The following NELL2 variants were observed in gnomAD, a reference collection of about 807,000 sequenced individuals.
NELL2 encodes the protein neural EGFL like 2.
Under a neutral mutation model 109.6 loss-of-function variants are expected in NELL2, and 41 were observed. The observed-to-expected ratio is 0.37, with a 90% confidence interval of 0.29 to 0.49. The LOEUF (loss-of-function observed/expected upper bound fraction) is 0.49, where lower values mean the gene tolerates loss of function less well. Ranked by LOEUF, NELL2 falls within the 20% of genes least tolerant of loss-of-function variation. The pLI, the probability that NELL2 is intolerant of heterozygous loss-of-function variation, is 0.98. For missense variants in NELL2, 900 were observed against 1,008.3 expected (o/e 0.89, Z 1.45); for synonymous variants, 355 against 344.7 (o/e 1.03, Z -0.33).
At chr12:44,755,532 G>C (rs1384139799) in intron 9 of NELL2, among the ~76,000 whole-genome samples, 1 of 151,318 alleles carries the variant, frequency 6.6e-6, no homozygotes. Context: ...TTTACTCCTT[G>C]GCTCTCCCCT....
chr12:44,876,725 T>C, upstream of NELL2: 2 of 1,543,882 alleles, frequency 1.3e-6, no homozygotes, highest in South Asian at 2.4e-5. Flanking sequence ...GGGAAGCCCA[T>C]GTGCACTCGT....
At chr12:44,901,385 C>T (rs1367867990) in intron 1 of NELL2, among the ~76,000 whole-genome samples, 1 of 152,050 alleles carries the variant, frequency 6.6e-6, no homozygotes, top group East Asian at 1.9e-4. Flanking sequence ...AATAAAAAGT[C>T]CTGAAATTGA....
At chr12:44,698,782 T>TCA (rs1949136067) in intron 12 of NELL2, among the ~76,000 whole-genome samples, 1 of 152,192 alleles carries the variant, frequency 6.6e-6, no homozygotes, top group Non-Finnish European at 1.5e-5. Flanking sequence ...TGACATGCAA[T>TCA]CATATAAATG....
At chr12:44,725,683 T>C (rs1404603786) in intron 9 of NELL2, among the ~76,000 whole-genome samples, 2 of 152,010 alleles carry the variant, frequency 1.3e-5, no homozygotes, top group African/African-American at 4.8e-5. Context: ...ATAAAAACAA[T>C]ATCATGTCTG....
intron 15 of NELL2, among the ~76,000 whole-genome samples, chr12:44,574,586 G>A (rs1380635102): frequency 2.0e-5 from 3 of 151,890 alleles, no homozygotes; most frequent in African/African-American, 7.3e-5. Flanking sequence ...ACATTAAATG[G>A]AGTTTGGAGT....
At chr12:44,587,284 A>AAAAAAAAAAAAAAATATATATAT in intron 15 of NELL2, among the ~76,000 whole-genome samples, 16 of 72,202 alleles carry the variant, frequency 2.2e-4, no homozygotes, top group Admixed American at 3.3e-4. Flanking sequence ...AAAAAAAAAA[A>AAAAAAAAAAAAAAATATATATAT]ATATATATAT....
chr12:44,875,347 C>A lies in NELL2; in HGVS notation c.62G>T (p.Gly21Val). 6.2e-7 allele frequency: 1 copy of A among 1,614,044 alleles called. No individual in the cohort carries two copies. The highest frequency in any genetic ancestry group is 8.5e-7 in the Non-Finnish European group (1 of 1,180,014). ...CTGTAGGGAAGGGTCCACACCAAGC[C>A]CCCAAACTGGTGAGGGGTATGAGGT... ...CLIFGLGAVW[G>V]LGVDPSLQID... Residue 21 changes from glycine (G) to valine (V), a missense_variant, in exon 2 of 20, where the codon GGG becomes GTG. Gly to Val is a moderately radical substitution (Grantham distance 109, BLOSUM62 -3). This residue lies in a region of NELL2 where 200 missense variants were observed against 191.8 expected (regional missense o/e 1.04). Transcript: ENST00000429094.
At chr12:44,571,942 A>G (rs1490825848) in intron 15 of NELL2, among the ~76,000 whole-genome samples, 1 of 152,188 alleles carries the variant, frequency 6.6e-6, no homozygotes, top group Non-Finnish European at 1.5e-5. Flanking sequence ...TGTATACAAT[A>G]AGCACAATAA....
At chr12:44,892,797 CA>C (rs57230571) in intron 1 of NELL2, among the ~76,000 whole-genome samples, 3,235 of 57,756 alleles carry the variant, frequency 0.056, 35 homozygotes, top group East Asian at 0.18. Flanking sequence ...GACTCTGTCT[CA>C]AAAAAAAAAA....
intron 3 of NELL2, among the ~76,000 whole-genome samples, chr12:44,784,719 G>T (rs1468033972): frequency 6.6e-6 from 1 of 152,110 alleles, no homozygotes; most frequent in South Asian, 2.1e-4. Context: ...TGCAAGGCTG[G>T]TTCAACATAT....
chr12:44,900,739 C>G (rs1477950463), intron 1 of NELL2, among the ~76,000 whole-genome samples: 2 of 152,098 alleles, frequency 1.3e-5, no homozygotes, highest in African/African-American at 2.4e-5. Context: ...AAAAAGCTAG[C>G]AAACACTTTG....
chr12:44,741,164 T>A (rs1442209922), intron 9 of NELL2, among the ~76,000 whole-genome samples: 1 of 152,258 alleles, frequency 6.6e-6, no homozygotes, highest in Non-Finnish European at 1.5e-5. Context: ...GAGACCTTTA[T>A]GATAATCTAC....
intron 1 of NELL2, 145 bp downstream of exon 1, chr12:44,875,670 C>T: frequency 6.4e-7 from 1 of 1,574,292 alleles, no homozygotes; most frequent in Non-Finnish European, 8.6e-7. Context: ...AAAAAAAAAT[C>T]CATATCCAAA....
intron 9 of NELL2, among the ~76,000 whole-genome samples, chr12:44,744,066 C>T (rs545942887): frequency 6.6e-6 from 1 of 152,100 alleles, no homozygotes; most frequent in African/African-American, 2.4e-5. Context: ...CACTCCTCAG[C>T]AAATGTAAAG....
intron 19 of NELL2, among the ~76,000 whole-genome samples, chr12:44,513,127 AG>A (rs1565849033): frequency 6.6e-6 from 1 of 152,000 alleles, no homozygotes; most frequent in African/African-American, 2.4e-5. Context: ...AAATAATCCA[AG>A]CTTTCCATTG....
intron 2 of NELL2, among the ~76,000 whole-genome samples, chr12:44,825,638 C>T (rs547863926): frequency 2.0e-5 from 3 of 150,474 alleles, no homozygotes; most frequent in East Asian, 3.9e-4. Flanking sequence ...TCAGGTGATC[C>T]GACTGCCTCG....
At chr12:44,639,372 T>C (rs1946762121) in intron 13 of NELL2, among the ~76,000 whole-genome samples, 1 of 152,186 alleles carries the variant, frequency 6.6e-6, no homozygotes, top group Non-Finnish European at 1.5e-5. Context: ...CTTTCCAGCG[T>C]TATCATAACG....
intron 14 of NELL2, 134 bp downstream of exon 14, chr12:44,610,714 G>A (rs1945586654): frequency 8.2e-7 from 1 of 1,220,790 alleles, no homozygotes; most frequent in Non-Finnish European, 1.2e-6. Context: ...AAGACTATGA[G>A]CCACACACCA....
intron 2 of NELL2, among the ~76,000 whole-genome samples, chr12:44,856,843 T>C (rs1605296): frequency 0.8 from 121,410 of 152,010 alleles, 48,935 homozygotes; most frequent in Middle Eastern, 0.94. Context: ...ATGATATGTA[T>C]TACATTTTAA....
Sources: gnomAD v4.1 joint callset for allele counts (sites outside exome capture counted in the v4.1 genomes callset) on GRCh38, gnomAD v4.1.1 for gene constraint, gnomAD v4.1.1 regional missense constraint, MANE v1.5 for transcripts, NCBI Gene and HGNC (gene_info 2026-07-23, HGNC 2026-07-21) for gene names.